Variants in GMDS observed in about 807,000 individuals in gnomAD.
The protein encoded by GMDS is GDP-mannose 4,6 dehydratase.
A neutral mutation model predicts 49.9 loss-of-function variants in GMDS; 20 were observed. The observed-to-expected ratio is 0.40, with a 90% CI of 0.28 to 0.58. The LOEUF is 0.58. Among genes scored for constraint, GMDS ranks in the 20% least tolerant of loss-of-function variants. The pLI, the probability that GMDS is intolerant of heterozygous loss-of-function variation, is 0.42. For synonymous variants in GMDS, 177 were observed against 178.6 expected (o/e 0.99, Z 0.07); for missense variants, 362 against 481.4 (o/e 0.75, Z 2.32).
chr6:1,654,485 T>C (rs989282561), intron 9 of GMDS, among the ~76,000 whole-genome samples: 11 of 152,236 alleles, frequency 7.2e-5, no homozygotes, highest in South Asian at 6.2e-4. Context: ...GCATCGACTA[T>C]GCTGTAAGTG....
intron 4 of GMDS, among the ~76,000 whole-genome samples, chr6:2,074,678 A>C (rs1772220613): frequency 6.6e-6 from 1 of 152,114 alleles, no homozygotes; most frequent in Non-Finnish European, 1.5e-5. Flanking sequence ...TTAATTATTT[A>C]TTTTTAACAA....
chr6:1,901,155 G>T (rs998591133), intron 7 of GMDS, among the ~76,000 whole-genome samples: 2 of 152,200 alleles, frequency 1.3e-5, no homozygotes, highest in African/African-American at 4.8e-5. Flanking sequence ...GTGGCTCCCG[G>T]CTCTCAGCTC....
chr6:1,690,814 C>T (rs1765142494), intron 9 of GMDS, among the ~76,000 whole-genome samples: 1 of 152,184 alleles, frequency 6.6e-6, no homozygotes, highest in Non-Finnish European at 1.5e-5. Flanking sequence ...CAGTGAGATA[C>T]CATCTCAAAC....
At chr6:1,764,436 C>T (rs996936187) in intron 7 of GMDS, among the ~76,000 whole-genome samples, 6 of 152,250 alleles carry the variant, frequency 3.9e-5, no homozygotes, top group Admixed American at 1.3e-4. Context: ...AGTCCTAAAA[C>T]GCTGGGCCCT....
chr6:1,834,105 G>A (rs1053235131), intron 7 of GMDS, among the ~76,000 whole-genome samples: 6 of 152,102 alleles, frequency 3.9e-5, no homozygotes, highest in African/African-American at 1.4e-4. Context: ...ATCCTGGTAG[G>A]TTACGGATTT....
At chr6:2,033,446 G>A (rs1769091921) in intron 4 of GMDS, among the ~76,000 whole-genome samples, 1 of 152,156 alleles carries the variant, frequency 6.6e-6, no homozygotes, top group East Asian at 1.9e-4. Flanking sequence ...TGAAAAAGTT[G>A]TATACTGAAA....
At chr6:1,933,575 G>C (rs570073194) in intron 6 of GMDS, among the ~76,000 whole-genome samples, 1 of 152,160 alleles carries the variant, frequency 6.6e-6, no homozygotes, top group African/African-American at 2.4e-5. Flanking sequence ...GGCACCGAGT[G>C]GTATCTTATT....
chr6:1,930,399 T>C, intron 6 of GMDS, 169 bp from the exon 7 acceptor site: 1 of 534,614 alleles, frequency 1.9e-6, no homozygotes, highest in Non-Finnish European at 3.3e-6. Flanking sequence ...TTAACTGTCA[T>C]TTAGACAAGT....
At position 2,245,457 on chromosome 6, in the gene GMDS, GAGCGCGGCAGAGGGCA is replaced by G. The variant is rs781549210; in HGVS notation, c.-51_-36del. ...CGGGCGTGCGGTCGGCGGCAGGGCG[GAGCGCGGCAGAGGGCA>G]GGCGCGGTGCCGGCAGGAACGCGGG... On this transcript the variant is annotated 5_prime_UTR_variant, in exon 1 of 11. Transcript: ENST00000380815. 7.9e-7 allele frequency: 1 copy of G among 1,269,174 alleles called. No individual in the cohort carries two copies. The highest frequency in any genetic ancestry group is 1.6e-5 in the South Asian group (1 of 60,702). The allele number at this position is 1,269,174 out of a possible 1,614,324, so 78.6% of individuals were successfully genotyped here.
intron 7 of GMDS, among the ~76,000 whole-genome samples, chr6:1,921,862 T>C (rs1225357976): frequency 6.6e-6 from 1 of 152,218 alleles, no homozygotes; most frequent in Non-Finnish European, 1.5e-5. Flanking sequence ...GTATATTAAA[T>C]AGCTCCACAG....
intron 4 of GMDS, among the ~76,000 whole-genome samples, chr6:2,034,520 G>A (rs1193254059): frequency 6.6e-6 from 1 of 152,108 alleles, no homozygotes; most frequent in Non-Finnish European, 1.5e-5. Flanking sequence ...AAAAACTACT[G>A]AATGTTGTAC....
intron 7 of GMDS, among the ~76,000 whole-genome samples, chr6:1,914,131 G>T (rs112942117): frequency 0.032 from 2,486 of 76,884 alleles, 23 homozygotes; most frequent in African/African-American, 0.055. Flanking sequence ...TTTTTTGTTT[G>T]TTTTTTTTTT....
intron 6 of GMDS, among the ~76,000 whole-genome samples, chr6:1,956,756 A>G (rs2628448): frequency 0.59 from 89,534 of 151,962 alleles, 26,452 homozygotes; most frequent in East Asian, 0.65. Flanking sequence ...AACAAAAAAC[A>G]AATTTTATCT....
At chr6:2,064,800 T>A (rs1272189170) in intron 4 of GMDS, among the ~76,000 whole-genome samples, 1 of 152,200 alleles carries the variant, frequency 6.6e-6, no homozygotes, top group Admixed American at 6.5e-5. Flanking sequence ...TCTTTGGGGA[T>A]GCCACAATAG....
At chr6:1,971,206 G>C (rs184797832) in intron 4 of GMDS, among the ~76,000 whole-genome samples, 89 of 152,272 alleles carry the variant, frequency 5.8e-4, no homozygotes, top group Middle Eastern at 3.4e-3. Flanking sequence ...TGGGGAGCCA[G>C]CAGTGGCTCT....
chr6:1,970,517 C>T (rs963090892), intron 4 of GMDS, among the ~76,000 whole-genome samples: 3 of 152,152 alleles, frequency 2.0e-5, no homozygotes, highest in Admixed American at 6.5e-5. Flanking sequence ...AGGCGCTACC[C>T]GACCAGGAGC....
At chr6:2,202,821 G>C (rs1779611155) in intron 1 of GMDS, among the ~76,000 whole-genome samples, 1 of 152,218 alleles carries the variant, frequency 6.6e-6, no homozygotes, top group Non-Finnish European at 1.5e-5. Context: ...ACAGTGGAGA[G>C]AGGGGATGGA....
In GMDS at chr6:2,158,647, T is replaced by A. The variant is rs1777227190; in HGVS notation, c.103-33916A>T. Among the ~76,000 whole-genome samples, 3 of 152,192 alleles carry A rather than the reference T, an allele frequency of 2.0e-5. No individual in the cohort carries two copies. The South Asian group carries it at 6.2e-4, about 32-fold the overall frequency. ...CCTCTTTGGCTATCTGCTGGCCACT[T>A]TTTGTTTATCAAGATATTTGGTCTG... On this transcript the variant is annotated intron_variant, in intron 1 of 10. Coordinates refer to ENST00000380815, the MANE Select transcript of GMDS (RefSeq NM_001500.4).
chr6:2,226,692 T>C (rs1030827055), intron 1 of GMDS, among the ~76,000 whole-genome samples: 1 of 152,208 alleles, frequency 6.6e-6, no homozygotes, highest in African/African-American at 2.4e-5. Flanking sequence ...TAGCATTTAC[T>C]CTCCTAAATT....
Sources: gnomAD v4.1 joint callset for allele counts (sites outside exome capture counted in the v4.1 genomes callset) on GRCh38, gnomAD v4.1.1 for gene constraint, MANE v1.5 for transcripts, NCBI Gene and HGNC (gene_info 2026-07-23, HGNC 2026-07-21) for gene names.